The following PCDHGB3 variants were observed in gnomAD, a reference collection of about 807,000 sequenced individuals.
The protein encoded by PCDHGB3 is protocadherin gamma subfamily B, 3.
In PCDHGB3, 40 loss-of-function variants were observed where a neutral mutation model predicts 59.2. The ratio of observed to expected loss-of-function variants is 0.68; its 90% confidence interval spans 0.52 to 0.88. PCDHGB3 has a LOEUF of 0.88. Ranked by LOEUF, PCDHGB3 falls within the 40% of genes least tolerant of loss-of-function variation. PCDHGB3 has a pLI of 0.00. For synonymous variants in PCDHGB3, 581 were observed against 503.6 expected (o/e 1.15, Z -2.06); for missense variants, 1,309 against 1,187.9 (o/e 1.10, Z -1.50).
intron 1 of PCDHGB3, chr5:141,404,993 C>G (rs1159647700): frequency 6.2e-7 from 1 of 1,613,850 alleles, no homozygotes; most frequent in Non-Finnish European, 8.5e-7. Flanking sequence ...TCTTCAGATC[C>G]CTGCAGACCT....
Position 141,486,954 on chromosome 5 carries a change from C to T in PCDHGB3, c.2416-7853C>T, listed in dbSNP as rs764632268. 3.7e-6 allele frequency: 6 copies of T among 1,614,114 alleles called. 1 individual carries two copies. The South Asian group carries it at 6.6e-5, about 18-fold the overall frequency. On this transcript the variant is annotated intron_variant, in intron 1 of 3. Coordinates refer to ENST00000576222, the MANE Select transcript of PCDHGB3 (RefSeq NM_018924.5). The surrounding 1 kb of genome is among the most constrained non-coding windows in gnomAD (Gnocchi z 5.0). ...GCTGGCCACCTAATCACAAAGGTGA[C>T]TGCTGTGGACTTGGATTCAGGTTAC...
rs1318239086 is a variant in PCDHGB3 at position 141,375,939 on chromosome 5, T to C, written c.2415+3130T>C. 2.5e-6 allele frequency: 4 copies of C among 1,613,658 alleles called. No homozygotes were observed. In the East Asian group the frequency reaches 8.9e-5, roughly 36 times the overall value. On this transcript the variant is annotated intron_variant, in intron 1 of 3. Transcript: ENST00000576222. ...GCCAGCGAGCCAGGACTTTTCTCAGTGGGCCTGCACACGGGCGAGGTGCGC... is the reference window on the plus strand; with the variant it reads ...GCCAGCGAGCCAGGACTTTTCTCAGCGGGCCTGCACACGGGCGAGGTGCGC...
chr5:141,397,805 A>G (rs1015155491), intron 1 of PCDHGB3, among the ~76,000 whole-genome samples: 1 of 152,236 alleles, frequency 6.6e-6, no homozygotes, highest in African/African-American at 2.4e-5. Flanking sequence ...TAAGTTAGGC[A>G]CACAAAAACA....
chr5:141,501,290 TACACACACACACACACACAC>T (rs55762287), intron 2 of PCDHGB3, among the ~76,000 whole-genome samples: 1 of 136,162 alleles, frequency 7.3e-6, no homozygotes, highest in Non-Finnish European at 1.6e-5. Flanking sequence ...TATTCCCTTA[TACACACACACACACACACAC>T]ACACACACAC....
intron 1 of PCDHGB3, chr5:141,399,248 A>G (rs2150780633): frequency 6.2e-7 from 1 of 1,613,870 alleles, no homozygotes; most frequent in South Asian, 1.1e-5. Context: ...GATTCTGGGG[A>G]AAATGGGGAG....
At chr5:141,388,064 G>A in intron 1 of PCDHGB3, 1 of 1,376,092 alleles carries the variant, frequency 7.3e-7, no homozygotes, top group South Asian at 1.3e-5. Context: ...GCGTCCAGGA[G>A]TTACCGACTC....
At chr5:141,504,206 A>G (rs1209911822) in intron 2 of PCDHGB3, among the ~76,000 whole-genome samples, 1 of 152,218 alleles carries the variant, frequency 6.6e-6, no homozygotes, top group African/African-American at 2.4e-5. Flanking sequence ...CTGTGGGAAA[A>G]TTCCAAGTAG....
chr5:141,480,137 A>G (rs1183663599), intron 1 of PCDHGB3, among the ~76,000 whole-genome samples: 2 of 152,096 alleles, frequency 1.3e-5, no homozygotes, highest in Non-Finnish European at 2.9e-5. Context: ...CTGTTAAACA[A>G]TTATTAGCCA....
chr5:141,426,437 C>T (rs914971616), intron 1 of PCDHGB3: 6 of 300,546 alleles, frequency 2.0e-5, no homozygotes, highest in South Asian at 6.4e-5. Flanking sequence ...GGGAACCTTG[C>T]GGAGGACATG....
Position 141,489,322 on chromosome 5 carries a change from T to G in PCDHGB3, c.2416-5485T>G. 1.9e-6 allele frequency: 3 copies of G among 1,601,052 alleles called. No homozygotes were observed. The highest frequency in any genetic ancestry group is 2.2e-5 in the East Asian group (1 of 44,726). On this transcript the variant is annotated intron_variant, in intron 1 of 3. Transcript: ENST00000576222. This position sits in a 1 kb window ranked among gnomAD's most constrained non-coding sequence, Gnocchi z 4.5. The stretch of plus-strand genomic sequence containing the variant: ...GTCCTTGTGCTGCTGGGGCTGGGTG[T>G]CTGGGCAGCTTCGTTACTCAGTGGT...
intron 1 of PCDHGB3, chr5:141,421,475 G>A (rs752558543): frequency 4.3e-6 from 7 of 1,614,150 alleles, no homozygotes. Flanking sequence ...CCGCGAAGCG[G>A]CAGCTTGATC....
rs1029237740 is a variant in PCDHGB3, at chr5:141,500,358, A to G, written c.2475-5035A>G. ...AGAATAGCTGGGACTACAGGCGCCC[A>G]CTACCACGCCCGGCTAATTATTTTG... On this transcript the variant is annotated intron_variant, in intron 2 of 3. Coordinates refer to ENST00000576222, the MANE Select transcript of PCDHGB3 (RefSeq NM_018924.5). Among the ~76,000 whole-genome samples, 5 of 151,706 alleles carry G rather than the reference A, an allele frequency of 3.3e-5. No homozygotes were observed. In the South Asian group the frequency reaches 6.3e-4, roughly 19 times the overall value.
Position 141,490,849 on chromosome 5 carries a change from C to A in PCDHGB3, c.2416-3958C>A, listed in dbSNP as rs200640560. The A allele has an allele frequency of 6.2e-7, 1 of 1,613,748 alleles. No individual in the cohort carries two copies. Among genetic ancestry groups the A allele is most frequent in the Non-Finnish European group, 8.5e-7 (1 of 1,179,862 alleles). On this transcript the variant is annotated intron_variant, in intron 1 of 3. Coordinates refer to ENST00000576222, the MANE Select transcript of PCDHGB3 (RefSeq NM_018924.5). This position sits in a 1 kb window ranked among gnomAD's most constrained non-coding sequence, Gnocchi z 5.4. ...GATGCTGCAGATTGTGGTGGGGGTT[C>A]GAGACTCCGGCTCTCCCCCATTGCA...
intron 1 of PCDHGB3, among the ~76,000 whole-genome samples, chr5:141,446,247 A>T (rs969960822): frequency 6.6e-6 from 1 of 152,160 alleles, no homozygotes; most frequent in African/African-American, 2.4e-5. Context: ...GTAGATCTTC[A>T]GTGAAATATT....
chr5:141,408,636 C>T (rs1236637669), intron 1 of PCDHGB3: 2 of 1,614,024 alleles, frequency 1.2e-6, no homozygotes. Flanking sequence ...ATTTTCGAAT[C>T]TGCATCCGCT....
rs377061064 is a variant in PCDHGB3, at chr5:141,505,429, C to A, written c.2511C>A (p.Asn837Lys). 1.2e-6 allele frequency: 2 copies of A among 1,614,116 alleles called. No homozygotes were observed. Among genetic ancestry groups the A allele is most frequent in the African/African-American group, 1.3e-5 (1 of 74,938 alleles). Residue 837 changes from asparagine (N) to lysine (K), a missense_variant, in exon 3 of 4, where the codon AAC becomes AAA. Asn to Lys is a moderately conservative substitution (Grantham distance 94, BLOSUM62 0). Coordinates refer to ENST00000576222, the MANE Select transcript of PCDHGB3 (RefSeq NM_018924.5). ...QNGDDTGTWP[N>K]NQFDTEMLQA... ...GCGATGACACCGGCACCTGGCCCAA[C>A]AACCAGTTTGACACAGAGATGCTGC...
At chr5:141,450,355 C>T (rs943649682) in intron 1 of PCDHGB3, among the ~76,000 whole-genome samples, 2 of 152,090 alleles carry the variant, frequency 1.3e-5, no homozygotes, top group Non-Finnish European at 2.9e-5. Context: ...TGAAACAGTT[C>T]CTCAGCCTTG....
intron 1 of PCDHGB3, among the ~76,000 whole-genome samples, chr5:141,454,989 T>C (rs1460420144): frequency 6.6e-6 from 1 of 151,506 alleles, no homozygotes; most frequent in East Asian, 2.0e-4. Context: ...TTAAAAAATA[T>C]TTTTAGTAGA....
chr5:141,511,093 G>A lies in PCDHGB3; in HGVS notation c.2710G>A (p.Ala904Thr), dbSNP rs377350933. The change falls in exon 4 of 4, where the codon GCA (alanine) becomes ACA (threonine). Residue 904 changes from alanine to threonine, a missense_variant. Physicochemically the swap from Ala to Thr is moderately conservative, Grantham distance 58. Coordinates refer to ENST00000576222, the MANE Select transcript of PCDHGB3 (RefSeq NM_018924.5). Reference protein sequence around the residue: ...IPGSNATLTNAAGKRDGKAPA... With the variant: ...IPGSNATLTNTAGKRDGKAPA... ...AGGCAGCAATGCCACACTGACCAACGCAGCTGGCAAGCGGGATGGCAAGGC... is the reference window on the plus strand; with the variant it reads ...AGGCAGCAATGCCACACTGACCAACACAGCTGGCAAGCGGGATGGCAAGGC... 8 of 1,614,072 alleles carry A rather than the reference G, an allele frequency of 5.0e-6. No individual in the cohort carries two copies. Among genetic ancestry groups the A allele is most frequent in the African/African-American group, 4.0e-5 (3 of 74,916 alleles).
Sources: allele counts gnomAD v4.1 joint callset (sites outside exome capture counted in the v4.1 genomes callset), GRCh38; gene constraint gnomAD v4.1.1; non-coding constraint Gnocchi (gnomAD v3.1); transcripts MANE v1.5; gene names NCBI Gene and HGNC (gene_info 2026-07-23, HGNC 2026-07-21).